The following DPY30 variants were observed in gnomAD, a reference collection of about 807,000 sequenced individuals.
DPY30 encodes protein dpy-30 homolog.
Under a neutral mutation model 16.2 loss-of-function variants are expected in DPY30, and 6 were observed. The observed-to-expected ratio is 0.37, with a 90% CI of 0.20 to 0.73. The LOEUF (loss-of-function observed/expected upper bound fraction) is 0.73, where lower values mean the gene tolerates loss of function less well. Ranked by LOEUF, DPY30 falls within the 30% of genes least tolerant of loss-of-function variation. The pLI is 0.51. For synonymous variants in DPY30, 39 were observed against 38.8 expected (o/e 1.00, Z -0.02); for missense variants, 73 against 113.1 (o/e 0.65, Z 1.61).
chr2:32,012,434 T>C (rs1333147739), intron 5 of DPY30, among the ~76,000 whole-genome samples: 1 of 132,308 alleles, frequency 7.6e-6, no homozygotes, highest in Middle Eastern at 3.6e-3. Context: ...TTTTTTTTTT[T>C]TTTTTTTTTT....
intron 3 of DPY30, among the ~76,000 whole-genome samples, chr2:32,030,496 G>A (rs999935505): frequency 9.9e-5 from 15 of 151,978 alleles, no homozygotes; most frequent in Admixed American, 7.9e-4. Flanking sequence ...CGGGCGTGGT[G>A]GCAGGCGCCT....
chr2:32,019,226 G>A (rs1572987772), downstream of DPY30, among the ~76,000 whole-genome samples: 1 of 152,212 alleles, frequency 6.6e-6, no homozygotes, highest in Admixed American at 6.5e-5. Flanking sequence ...CTGAGCAGCT[G>A]GGACTACAGG....
downstream of DPY30, chr2:32,023,305 C>T: frequency 2.6e-6 from 1 of 388,504 alleles, no homozygotes; most frequent in Non-Finnish European, 5.2e-6. Flanking sequence ...AATTTCTTCA[C>T]AGGGGACAAT....
rs111354413 is a variant in DPY30, at chr2:32,016,008, C to T, written n.378-3956G>A. On this transcript the variant is annotated intron_variant and non_coding_transcript_variant, in intron 5 of 5. Coordinates refer to the DPY30 transcript ENST00000414013. Reference sequence around the variant, plus strand: ...CTAGGGATCCAGATCCAGCAATTCTCCTGCCTCAGCCTCCCGGGTAGCTGG... The same window carrying T: ...CTAGGGATCCAGATCCAGCAATTCTTCTGCCTCAGCCTCCCGGGTAGCTGG... 2.9e-3 allele frequency among the ~76,000 whole-genome samples: 440 copies of T among 152,212 alleles called. 4 individuals carry two copies. The highest frequency in any genetic ancestry group is 0.01 in the African/African-American group (416 of 41,538).
downstream of DPY30, chr2:32,023,327 C>G: frequency 2.3e-6 from 1 of 431,664 alleles, no homozygotes; most frequent in Non-Finnish European, 4.7e-6. Flanking sequence ...AGAATAGACC[C>G]CAAAAAGGAC....
intron 4 of DPY30, among the ~76,000 whole-genome samples, chr2:32,028,823 C>A (rs535455554): frequency 3.3e-5 from 5 of 151,572 alleles, no homozygotes; most frequent in Non-Finnish European, 7.4e-5. Context: ...ATCAGCCAGG[C>A]GTGGTGGCAG....
At chr2:32,027,841 G>A (rs1453848131) in intron 4 of DPY30, among the ~76,000 whole-genome samples, 1 of 151,790 alleles carries the variant, frequency 6.6e-6, no homozygotes, top group Non-Finnish European at 1.5e-5. Flanking sequence ...CATTAGCCAG[G>A]ATGGTCTCGA....
intron 4 of DPY30, among the ~76,000 whole-genome samples, chr2:32,028,979 T>C (rs538004816): frequency 6.6e-6 from 1 of 151,674 alleles, no homozygotes; most frequent in East Asian, 2.0e-4. Context: ...AAAATAAGAA[T>C]AATAATAATA....
At chr2:32,028,203 T>C (rs1385769866) in intron 4 of DPY30, among the ~76,000 whole-genome samples, 1 of 151,062 alleles carries the variant, frequency 6.6e-6, no homozygotes, top group African/African-American at 2.4e-5. Flanking sequence ...CTCAAACTCC[T>C]GGGCCCAAGC....
At chr2:32,022,874 G>A (rs761740676), downstream of DPY30, among the ~76,000 whole-genome samples, 4 of 152,098 alleles carry the variant, frequency 2.6e-5, no homozygotes, top group East Asian at 3.8e-4. Flanking sequence ...GGAGACACAC[G>A]ACTTTAATAG....
chr2:32,014,179 C>T (rs1226784341), intron 5 of DPY30, among the ~76,000 whole-genome samples: 2 of 151,810 alleles, frequency 1.3e-5, no homozygotes, highest in African/African-American at 4.8e-5. Flanking sequence ...TATACATACG[C>T]ACCCATTAAA....
chr2:32,030,648 A>T (rs1403668540), intron 3 of DPY30, among the ~76,000 whole-genome samples: 3 of 151,534 alleles, frequency 2.0e-5, no homozygotes, highest in Non-Finnish European at 4.4e-5. Flanking sequence ...AAAAAAAAAA[A>T]ATTATCCAGG....
At chr2:32,019,054 ATG>A, downstream of DPY30, among the ~76,000 whole-genome samples, 1 of 152,244 alleles carries the variant, frequency 6.6e-6, no homozygotes, top group South Asian at 2.1e-4. Context: ...TTTCTACAGT[ATG>A]TATCATTTAT....
chr2:32,014,308 C>CA (rs914203784), intron 5 of DPY30, among the ~76,000 whole-genome samples: 6 of 151,656 alleles, frequency 4.0e-5, no homozygotes, highest in African/African-American at 1.4e-4. Flanking sequence ...CATAGCAAGA[C>CA]AAAAAAAAGC....
At chr2:32,039,597 G>A in intron 1 of DPY30, 105 bp from the exon 2 acceptor site, 1 of 1,112,248 alleles carries the variant, frequency 9.0e-7, no homozygotes, top group East Asian at 2.6e-5. Context: ...CCCCACCTGG[G>A]CGCGGGAGCA....
At position 32,037,718 on chromosome 2, in the gene DPY30, T is replaced by G. The variant is rs547317950; in HGVS notation, c.84+1561A>C. On this transcript the variant is annotated intron_variant, in intron 3 of 4. Coordinates refer to ENST00000342166, the MANE Select transcript of DPY30 (RefSeq NM_001321209.2). Reference sequence around the variant, plus strand: ...GATTACAGGCACTTGCCACCACGCCTGGCTAATTTTTGTATTTTCAGTAGA... The same window carrying G: ...GATTACAGGCACTTGCCACCACGCCGGGCTAATTTTTGTATTTTCAGTAGA... 4.7e-4 allele frequency among the ~76,000 whole-genome samples: 72 copies of G among 151,986 alleles called. 1 individual carries two copies. In the South Asian group the frequency reaches 0.011, roughly 24 times the overall value.
chr2:32,022,982 G>A (rs1675218681), downstream of DPY30, among the ~76,000 whole-genome samples: 1 of 151,966 alleles, frequency 6.6e-6, no homozygotes, highest in South Asian at 2.1e-4. Context: ...CCTATTCATT[G>A]TTAAGATGTT....
downstream of DPY30, among the ~76,000 whole-genome samples, chr2:32,019,650 G>A (rs190168522): frequency 2.7e-5 from 4 of 150,668 alleles, no homozygotes; most frequent in African/African-American, 7.3e-5. Flanking sequence ...GGCAAAACCC[G>A]TCTCTACTAA....
intron 3 of DPY30, among the ~76,000 whole-genome samples, chr2:32,039,002 G>C (rs1334658523): frequency 6.6e-6 from 1 of 152,000 alleles, no homozygotes; most frequent in East Asian, 1.9e-4. Flanking sequence ...CCAAAAGATC[G>C]ATTAAAAGCC....
Sources: gnomAD v4.1 joint callset for allele counts (sites outside exome capture counted in the v4.1 genomes callset) on GRCh38, gnomAD v4.1.1 for gene constraint, MANE v1.5 for transcripts, NCBI Gene and HGNC (gene_info 2026-07-23, HGNC 2026-07-21) for gene names.